CLCN5: variants seen among roughly 807,000 people sequenced by gnomAD.
The protein encoded by CLCN5 is H(+)/Cl(-) exchange transporter 5.
A neutral mutation model predicts 54.0 loss-of-function variants in CLCN5; 17 were observed. The ratio of observed to expected loss-of-function variants is 0.31; its 90% CI spans 0.22 to 0.47. The LOEUF (loss-of-function observed/expected upper bound fraction) is 0.47. Among genes scored for constraint, CLCN5 ranks in the 20% least tolerant of loss-of-function variants. The probability of loss-of-function intolerance (pLI) is 1.00; values close to 1 mark genes in which losing one functional copy is unlikely to be tolerated. For synonymous variants in CLCN5, 222 were observed against 233.0 expected, an observed-to-expected ratio of 0.95 and a Z score of 0.43; for missense variants, 448 against 646.7, an observed-to-expected ratio of 0.69 and a Z score of 3.33.
At chrX:50,080,233 G>A (rs1297812702) in intron 7 of CLCN5, among the ~76,000 whole-genome samples, 1 of 111,059 alleles carries the variant, frequency 9.0e-6, no homozygotes, top group Non-Finnish European at 1.9e-5. Flanking sequence ...CTGGGGGGGT[G>A]CTCTTAAGAC....
chrX:49,997,360 A>G (rs1486407117), intron 3 of CLCN5, among the ~76,000 whole-genome samples: 1 of 111,139 alleles, frequency 9.0e-6, no homozygotes, highest in Admixed American at 9.5e-5. Context: ...TGTTTCCACC[A>G]GAGATGTCAA....
rs188628741 is a variant in CLCN5, at chrX:49,985,719, T to G, written c.17-56597T>G. On this transcript the variant is annotated intron_variant, in intron 3 of 14. Coordinates refer to ENST00000376091, the MANE Select transcript of CLCN5 (RefSeq NM_001127898.4). ...AAGATGTACTTTTTTTCAGATTCTG[T>G]GACTAATATCTTGCTCTTTTTATTT... Among the ~76,000 whole-genome samples, 7 of 111,881 alleles carry G rather than the reference T, an allele frequency of 6.3e-5. No homozygotes were observed. In the East Asian group the frequency reaches 2.0e-3, roughly 31 times the overall value.
chrX:49,944,030 C>T (rs1243508502), intron 3 of CLCN5, among the ~76,000 whole-genome samples: 1 of 111,939 alleles, frequency 8.9e-6, no homozygotes, highest in African/African-American at 3.3e-5. Context: ...TTCTTCCTAT[C>T]CATGAGCATG....
intron 3 of CLCN5, among the ~76,000 whole-genome samples, chrX:50,005,761 G>A (rs1301946407): frequency 9.0e-6 from 1 of 110,877 alleles, no homozygotes; most frequent in African/African-American, 3.3e-5. Flanking sequence ...TAGCTTCTCC[G>A]CTTTCAGAGA....
intron 3 of CLCN5, among the ~76,000 whole-genome samples, chrX:50,009,367 G>A (rs1474105093): frequency 8.9e-6 from 1 of 112,166 alleles, no homozygotes; most frequent in Non-Finnish European, 1.9e-5. Context: ...AGAAACAGAA[G>A]AGAATGAAGT....
chrX:49,975,345 A>G (rs1396873981), intron 3 of CLCN5, among the ~76,000 whole-genome samples: 1 of 111,902 alleles, frequency 8.9e-6, no homozygotes, highest in African/African-American at 3.2e-5. Flanking sequence ...CTTACAGTAC[A>G]GGTGGGACAT....
chrX:50,096,572 C>T lies in CLCN5; in HGVS notation c.*4353C>T, dbSNP rs1188779120. ...GACCTCGTGATCCACCCATCTCGGC[C>T]TCCCAAAGTGCTGGGATTATAGGTG... On this transcript the variant is annotated 3_prime_UTR_variant, in exon 15 of 15. Coordinates refer to ENST00000376091, the MANE Select transcript of CLCN5 (RefSeq NM_001127898.4). The T allele has an allele frequency of 8.9e-6, 1 of 112,538 alleles. No individual in the cohort carries two copies. The highest frequency in any genetic ancestry group is 1.9e-5 in the Non-Finnish European group (1 of 53,151). 9.3% of individuals were successfully genotyped at this position (112,538 alleles called of 1,213,427 possible). A position where few individuals can be genotyped will look rare whatever the true frequency, so the allele number is the denominator to read the frequency against.
intron 4 of CLCN5, among the ~76,000 whole-genome samples, chrX:50,051,389 C>G (rs1932582052): frequency 8.9e-6 from 1 of 112,006 alleles, no homozygotes; most frequent in South Asian, 3.7e-4. Flanking sequence ...TGCATCTTTT[C>G]TTTTGACAAT....
At position 50,086,343 on chromosome X, in the gene CLCN5, C is replaced by G; in HGVS notation, c.1030C>G (p.Pro344Ala). 1 of 1,209,651 alleles carries G rather than the reference C, an allele frequency of 8.3e-7. No homozygotes were observed. Among genetic ancestry groups the G allele is most frequent in the Non-Finnish European group, 1.1e-6 (1 of 894,126 alleles). ...FSLEEVSYYF[P>A]LKTLWRSFFA... ...TTTCTTCTAGGTCAGCTACTATTTT[C>G]CCCTCAAAACATTGTGGCGTTCATT... The change falls in exon 11 of 15, where the codon CCC becomes GCC. Residue 344 changes from proline to alanine, a missense_variant. Pro to Ala is a conservative substitution (Grantham distance 27). Transcript: ENST00000376091.
At chrX:49,998,245 T>C (rs781863845) in intron 3 of CLCN5, among the ~76,000 whole-genome samples, 27 of 111,742 alleles carry the variant, frequency 2.4e-4, no homozygotes, top group Non-Finnish European at 5.1e-4. Flanking sequence ...ATTCCAAAGC[T>C]GAGACTATAC....
At chrX:49,999,559 G>A (rs1209371547) in intron 3 of CLCN5, among the ~76,000 whole-genome samples, 1 of 110,838 alleles carries the variant, frequency 9.0e-6, no homozygotes, top group Admixed American at 9.6e-5. Context: ...GTTAGTGTTT[G>A]CTTTGTATGG....
At chrX:50,065,771 A>G (rs1932987230) in intron 4 of CLCN5, among the ~76,000 whole-genome samples, 2 of 104,919 alleles carry the variant, frequency 1.9e-5, no homozygotes, top group Non-Finnish European at 3.9e-5. Flanking sequence ...CCAAATGTCC[A>G]ACAATGATAG....
At chrX:49,944,145 T>C (rs1330956806) in intron 3 of CLCN5, among the ~76,000 whole-genome samples, 2 of 111,696 alleles carry the variant, frequency 1.8e-5, no homozygotes, top group Non-Finnish European at 3.8e-5. Context: ...GATTACTAGG[T>C]ATTTTATTCT....
At chrX:49,969,977 G>C (rs1219617029) in intron 3 of CLCN5, among the ~76,000 whole-genome samples, 2 of 110,909 alleles carry the variant, frequency 1.8e-5, no homozygotes, top group South Asian at 3.8e-4. Context: ...TTGATGAATT[G>C]CTCCTTCTAA....
intron 3 of CLCN5, chrX:50,003,299 A>T: frequency 2.8e-6 from 1 of 352,645 alleles, no homozygotes; most frequent in Non-Finnish European, 5.7e-6. Context: ...AGGGAGGTAG[A>T]CCCTCTCTTA....
intron 11 of CLCN5, chrX:50,088,322 A>G (rs1318303593): frequency 9.6e-6 from 2 of 207,340 alleles, no homozygotes; most frequent in African/African-American, 5.8e-5. Flanking sequence ...GTACTCAATA[A>G]AGGGTAGTCA....
intron 4 of CLCN5, among the ~76,000 whole-genome samples, chrX:50,056,841 C>A (rs1055236603): frequency 1.5e-4 from 17 of 112,073 alleles, no homozygotes; most frequent in Non-Finnish European, 1.9e-5. Flanking sequence ...CATGCCCAAC[C>A]TTCCTGTTTT....
chrX:50,007,418 TCTCTC>T (rs1930233854), intron 3 of CLCN5, among the ~76,000 whole-genome samples: 4,177 of 100,337 alleles, frequency 0.042, 235 homozygotes, highest in African/African-American at 0.16. Flanking sequence ...TCTCTCTCTC[TCTCTC>T]TCTCTCTCTC....
At chrX:50,055,794 C>G (rs1932724107) in intron 4 of CLCN5, among the ~76,000 whole-genome samples, 1 of 111,444 alleles carries the variant, frequency 9.0e-6, no homozygotes, top group Admixed American at 9.6e-5. Context: ...GTCACATATA[C>G]AGACACACAT....
Sources: allele counts gnomAD v4.1 joint callset (sites outside exome capture counted in the v4.1 genomes callset), GRCh38; gene constraint gnomAD v4.1.1; transcripts MANE v1.5; gene names NCBI Gene and HGNC (gene_info 2026-07-23, HGNC 2026-07-21).